The following FBXL17 variants were observed in gnomAD, a reference collection of about 807,000 sequenced individuals.
FBXL17 encodes the protein F-box/LRR-repeat protein 17.
Under a neutral mutation model 66.2 loss-of-function variants are expected in FBXL17, and 22 were observed. That is an observed-to-expected ratio of 0.33 (90% CI 0.24 to 0.47). FBXL17 has a LOEUF of 0.47. FBXL17 is among the 20% of genes least tolerant of loss of function. The pLI is 1.00. For missense variants in FBXL17, 878 were observed against 948.2 expected, an observed-to-expected ratio of 0.93 and a Z score of 0.97; for synonymous variants, 474 against 400.5, an observed-to-expected ratio of 1.18 and a Z score of -2.19.
chr5:108,377,110 T>C (rs1375073539), intron 1 of FBXL17, among the ~76,000 whole-genome samples: 1 of 152,206 alleles, frequency 6.6e-6, no homozygotes, highest in Non-Finnish European at 1.5e-5. Context: ...ATGCCAAAGA[T>C]ATGCTCAAAC....
intron 6 of FBXL17, among the ~76,000 whole-genome samples, chr5:108,120,443 G>A (rs1408299268): frequency 6.6e-6 from 1 of 152,162 alleles, no homozygotes; most frequent in Non-Finnish European, 1.5e-5. Context: ...TACTGAATGT[G>A]TACTTGGATG....
At chr5:108,240,059 TAC>T (rs1755785912) in intron 4 of FBXL17, among the ~76,000 whole-genome samples, 1 of 152,052 alleles carries the variant, frequency 6.6e-6, no homozygotes, top group South Asian at 2.1e-4. Context: ...TCAGAAGCAG[TAC>T]CCAGGCACTA....
intron 6 of FBXL17, among the ~76,000 whole-genome samples, chr5:108,051,739 G>A (rs1747484375): frequency 6.6e-6 from 1 of 152,082 alleles, no homozygotes; most frequent in African/African-American, 2.4e-5. Context: ...GACTTTGGGA[G>A]GCTGAGGTGG....
chr5:108,092,140 A>G (rs1033548618), intron 6 of FBXL17, among the ~76,000 whole-genome samples: 2 of 152,202 alleles, frequency 1.3e-5, no homozygotes, highest in African/African-American at 4.8e-5. Context: ...CATTGTTGTA[A>G]TTAAAGATCA....
At chr5:108,218,306 C>A (rs1304118644) in intron 5 of FBXL17, among the ~76,000 whole-genome samples, 1 of 152,048 alleles carries the variant, frequency 6.6e-6, no homozygotes, top group African/African-American at 2.4e-5. Flanking sequence ...CCGCGCCTGG[C>A]CAACATTTTC....
chr5:108,124,463 T>G (rs1010682833), intron 6 of FBXL17, among the ~76,000 whole-genome samples: 2 of 152,020 alleles, frequency 1.3e-5, no homozygotes, highest in African/African-American at 4.8e-5. Context: ...TACTTAAAAT[T>G]CTAAAACTCC....
At chr5:107,897,518 G>C (rs1749423718) in intron 7 of FBXL17, among the ~76,000 whole-genome samples, 1 of 152,112 alleles carries the variant, frequency 6.6e-6, no homozygotes, top group Non-Finnish European at 1.5e-5. Flanking sequence ...TTGCCAGGAA[G>C]AAACTGCCTT....
chr5:108,131,206 C>T (rs958640408), intron 6 of FBXL17, among the ~76,000 whole-genome samples: 2 of 152,056 alleles, frequency 1.3e-5, no homozygotes, highest in Non-Finnish European at 2.9e-5. Context: ...TAAAAGGCTC[C>T]TTGAGCATCT....
chr5:108,245,541 T>G (rs1038209500), intron 4 of FBXL17, among the ~76,000 whole-genome samples: 1 of 152,214 alleles, frequency 6.6e-6, no homozygotes, highest in Non-Finnish European at 1.5e-5. Flanking sequence ...CACTAAATGT[T>G]CTTTCTTACA....
chr5:108,141,213 T>C (rs1751335806), intron 6 of FBXL17, among the ~76,000 whole-genome samples: 1 of 152,276 alleles, frequency 6.6e-6, no homozygotes, highest in South Asian at 2.1e-4. Flanking sequence ...GAAGAACAGA[T>C]CATCTGCCTG....
intron 7 of FBXL17, among the ~76,000 whole-genome samples, chr5:107,890,005 C>T (rs909132509): frequency 6.6e-6 from 1 of 151,996 alleles, no homozygotes; most frequent in African/African-American, 2.4e-5. Flanking sequence ...GTTAGGTTCC[C>T]CTGACAATCC....
chr5:107,871,828 A>G (rs932568758), intron 8 of FBXL17, among the ~76,000 whole-genome samples: 23 of 152,156 alleles, frequency 1.5e-4, no homozygotes, highest in African/African-American at 5.1e-4. Context: ...AGTGCAATGT[A>G]TTTATGGAAC....
chr5:108,168,616 G>A (rs910524667), intron 6 of FBXL17, among the ~76,000 whole-genome samples: 1 of 152,060 alleles, frequency 6.6e-6, no homozygotes, highest in East Asian at 1.9e-4. Flanking sequence ...AATGCTTGCA[G>A]GACATCATTC....
chr5:107,878,874 C>T (rs988229510), intron 8 of FBXL17: 25 of 985,376 alleles, frequency 2.5e-5, no homozygotes, highest in Non-Finnish European at 3.0e-5. Flanking sequence ...CTGGGCTGCA[C>T]TGCAGCAGGC....
chr5:108,154,266 A>G (rs1236215918), intron 6 of FBXL17, among the ~76,000 whole-genome samples: 2 of 146,680 alleles, frequency 1.4e-5, no homozygotes, highest in African/African-American at 5.0e-5. Flanking sequence ...AAAAGAAAAC[A>G]GTGTGGAAAG....
At chr5:108,143,020 C>T (rs1751415643) in intron 6 of FBXL17, among the ~76,000 whole-genome samples, 1 of 117,940 alleles carries the variant, frequency 8.5e-6, no homozygotes, top group Non-Finnish European at 2.0e-5. Context: ...CTCACAGGAG[C>T]ATGAACCCTG....
intron 7 of FBXL17, among the ~76,000 whole-genome samples, chr5:108,007,049 C>T (rs190053663): frequency 3.2e-4 from 48 of 152,250 alleles, no homozygotes; most frequent in Admixed American, 9.2e-4. Flanking sequence ...TTGCAGGGAA[C>T]GCTCTTTTTG....
intron 4 of FBXL17, among the ~76,000 whole-genome samples, chr5:108,338,737 TCAA>T (rs34814063): frequency 0.83 from 126,415 of 151,654 alleles, 52,812 homozygotes; most frequent in Admixed American, 0.89. Flanking sequence ...GATGATATAG[TCAA>T]CAACAACAAC....
At chr5:108,240,211 A>G (rs1755793778) in intron 4 of FBXL17, among the ~76,000 whole-genome samples, 1 of 152,154 alleles carries the variant, frequency 6.6e-6, no homozygotes, top group Admixed American at 6.5e-5. Flanking sequence ...CTTGCAGCTT[A>G]GGTACCAGTT....
Sources: gnomAD v4.1 joint callset for allele counts (sites outside exome capture counted in the v4.1 genomes callset) on GRCh38, gnomAD v4.1.1 for gene constraint, MANE v1.5 for transcripts, NCBI Gene and HGNC (gene_info 2026-07-23, HGNC 2026-07-21) for gene names.